RSBN1L: variants seen among roughly 807,000 people sequenced by gnomAD.
The protein encoded by RSBN1L is lysine-specific demethylase RSBN1L.
Under a neutral mutation model 67.7 loss-of-function variants are expected in RSBN1L, and 30 were observed. The observed-to-expected ratio is 0.44, with a 90% CI of 0.33 to 0.60. The LOEUF (loss-of-function observed/expected upper bound fraction) is 0.60, where lower values mean the gene tolerates loss of function less well. RSBN1L is among the 20% of genes least tolerant of loss of function. The pLI is 0.02. For missense variants in RSBN1L, 992 were observed against 1,031.7 expected (o/e 0.96, Z 0.53); for synonymous variants, 433 against 387.0 (o/e 1.12, Z -1.39).
intron 5 of RSBN1L, 74 bp downstream of exon 5, chr7:77,768,877 G>A (rs1397700749): frequency 2.3e-6 from 3 of 1,281,686 alleles, no homozygotes; most frequent in African/African-American, 2.9e-5. Context: ...GTTGAAAATT[G>A]GAGGAAGGAG....
chr7:77,767,969 A>G (rs1562809311), intron 4 of RSBN1L, among the ~76,000 whole-genome samples: 1 of 143,826 alleles, frequency 7.0e-6, no homozygotes, highest in Non-Finnish European at 1.5e-5. Flanking sequence ...TCCTGCCTCA[A>G]CCTCCTGAGT....
At chr7:77,720,802 G>A (rs1584280774) in intron 1 of RSBN1L, among the ~76,000 whole-genome samples, 1 of 107,448 alleles carries the variant, frequency 9.3e-6, no homozygotes, top group Non-Finnish European at 1.7e-5. Context: ...GTCTCACTCT[G>A]TCACCCAGGC....
At chr7:77,741,289 C>T (rs1791407080) in intron 2 of RSBN1L, among the ~76,000 whole-genome samples, 1 of 151,812 alleles carries the variant, frequency 6.6e-6, no homozygotes, top group Non-Finnish European at 1.5e-5. Context: ...ACCTGGCCAC[C>T]ATTTTACTTC....
intron 1 of RSBN1L, among the ~76,000 whole-genome samples, chr7:77,727,816 T>TA (rs1367842633): frequency 2.0e-5 from 3 of 152,164 alleles, no homozygotes; most frequent in Non-Finnish European, 4.4e-5. Flanking sequence ...TAATTCCACA[T>TA]ACCTTAGTTA....
chr7:77,765,872 T>C (rs1791759659), intron 4 of RSBN1L, among the ~76,000 whole-genome samples: 1 of 152,206 alleles, frequency 6.6e-6, no homozygotes, highest in Admixed American at 6.5e-5. Context: ...CTAATTGTAA[T>C]GGCAAAGCTA....
intron 3 of RSBN1L, among the ~76,000 whole-genome samples, chr7:77,752,950 T>C (rs553575404): frequency 1.6e-4 from 25 of 152,352 alleles, no homozygotes; most frequent in African/African-American, 6.0e-4. Context: ...GTATAACGTT[T>C]GTGAGATTCA....
At chr7:77,709,797 C>A (rs551917359) in intron 1 of RSBN1L, among the ~76,000 whole-genome samples, 2 of 152,084 alleles carry the variant, frequency 1.3e-5, no homozygotes, top group Non-Finnish European at 2.9e-5. Context: ...TTTCTAGTGT[C>A]CATTGTTAGC....
At chr7:77,700,079 G>A (rs1282555033) in intron 1 of RSBN1L, among the ~76,000 whole-genome samples, 1 of 152,170 alleles carries the variant, frequency 6.6e-6, no homozygotes, top group African/African-American at 2.4e-5. Flanking sequence ...ACAGGCGTGA[G>A]CCACCGTGCC....
chr7:77,715,630 T>C (rs1194181668), intron 1 of RSBN1L, among the ~76,000 whole-genome samples: 1 of 152,126 alleles, frequency 6.6e-6, no homozygotes, highest in Non-Finnish European at 1.5e-5. Flanking sequence ...TGTTGGGCTG[T>C]TAAGTGTAAG....
intron 1 of RSBN1L, among the ~76,000 whole-genome samples, chr7:77,731,503 T>A (rs1179102638): frequency 6.6e-6 from 1 of 152,244 alleles, no homozygotes; most frequent in Non-Finnish European, 1.5e-5. Context: ...TCCAAAATGC[T>A]GGTATTACAG....
At chr7:77,758,197 T>C (rs938421362) in intron 3 of RSBN1L, among the ~76,000 whole-genome samples, 2 of 152,208 alleles carry the variant, frequency 1.3e-5, no homozygotes, top group African/African-American at 4.8e-5. Flanking sequence ...AACAGGTCAT[T>C]GTCCAGGATG....
intron 1 of RSBN1L, among the ~76,000 whole-genome samples, chr7:77,704,957 C>A (rs1457720094): frequency 6.7e-6 from 1 of 149,306 alleles, no homozygotes. Context: ...GGGCGACAGG[C>A]AACAAGAGTG....
intron 6 of RSBN1L, among the ~76,000 whole-genome samples, chr7:77,775,451 C>T (rs935920928): frequency 6.6e-6 from 1 of 152,082 alleles, no homozygotes; most frequent in Admixed American, 6.5e-5. Flanking sequence ...ATTGCTTGAA[C>T]CTGGGAGGTG....
At chr7:77,751,811 CATTT>C (rs1441143131) in intron 3 of RSBN1L, among the ~76,000 whole-genome samples, 7 of 152,320 alleles carry the variant, frequency 4.6e-5, no homozygotes, top group Admixed American at 2.0e-4. Context: ...CCTTATCATT[CATTT>C]GTCGTTTATT....
intron 1 of RSBN1L, among the ~76,000 whole-genome samples, chr7:77,712,035 C>T (rs1430732692): frequency 2.1e-5 from 3 of 142,666 alleles, no homozygotes; most frequent in East Asian, 3.9e-4. Flanking sequence ...TTTGTAAGCT[C>T]GTTTGACATT....
In RSBN1L at chr7:77,779,163, T is replaced by C. The variant is rs1198799039; in HGVS notation, c.2536T>C (p.Cys846Arg). Residue 846 changes from cysteine (C) to arginine (R), a missense_variant, in exon 8 of 8, where the codon TGC becomes CGC. Transcript: ENST00000334955. ...AGATAAAAAAGACGATGACATTTTG[T>C]GCTAAATTTGCATATACCATCTAAA... is the stretch of plus-strand genomic sequence containing the variant. The part of the protein sequence containing the change: ...NQDKKDDDIL[C>R] 1 of 1,575,532 alleles carries C rather than the reference T, an allele frequency of 6.3e-7. No individual in the cohort carries two copies. The highest frequency in any genetic ancestry group is 1.2e-5 in the South Asian group (1 of 84,172).
At chr7:77,774,746 A>C (rs28373470) in intron 6 of RSBN1L, among the ~76,000 whole-genome samples, 7,325 of 152,134 alleles carry the variant, frequency 0.048, 521 homozygotes, top group African/African-American at 0.16. Context: ...CCCACCACCA[A>C]CAACAACAAA....
intron 3 of RSBN1L, among the ~76,000 whole-genome samples, chr7:77,754,273 A>G (rs1244138448): frequency 6.6e-6 from 1 of 152,086 alleles, no homozygotes; most frequent in African/African-American, 2.4e-5. Context: ...GGCTCTTTAC[A>G]TTTCCACATA....
chr7:77,754,474 A>G (rs1419536630), intron 3 of RSBN1L, among the ~76,000 whole-genome samples: 1 of 152,204 alleles, frequency 6.6e-6, no homozygotes, highest in Non-Finnish European at 1.5e-5. Context: ...GGTTTTCAGC[A>G]TAGAGGTCTT....
Sources: gnomAD v4.1 joint callset for allele counts (sites outside exome capture counted in the v4.1 genomes callset) on GRCh38, gnomAD v4.1.1 for gene constraint, MANE v1.5 for transcripts, NCBI Gene and HGNC (gene_info 2026-07-23, HGNC 2026-07-21) for gene names.